LIN54: variants seen among roughly 807,000 people sequenced by gnomAD.
The protein encoded by LIN54 is protein lin-54 homolog.
In LIN54, 9 loss-of-function variants were observed where a neutral mutation model predicts 78.7. That is an observed-to-expected ratio of 0.11 (90% confidence interval 0.07 to 0.20). LIN54 has a LOEUF of 0.20. Ranked by LOEUF, LIN54 falls within the 10% of genes least tolerant of loss-of-function variation. The pLI is 1.00. For synonymous variants in LIN54, 269 were observed against 318.4 expected, an observed-to-expected ratio of 0.84 and a Z score of 1.65; for missense variants, 573 against 889.9, an observed-to-expected ratio of 0.64 and a Z score of 4.53.
Position 82,926,544 on chromosome 4 carries a change from A to G in LIN54, c.*1558T>C, listed in dbSNP as rs1219063470. 6.6e-6 allele frequency: 1 copy of G among 152,470 alleles called. No individual in the cohort carries two copies. The highest frequency in any genetic ancestry group is 2.4e-5 in the African/African-American group (1 of 41,464). 9.4% of individuals were successfully genotyped at this position (152,470 alleles called of 1,614,324 possible). On this transcript the variant is annotated 3_prime_UTR_variant, in exon 13 of 13. Coordinates refer to ENST00000340417, the MANE Select transcript of LIN54 (RefSeq NM_194282.4). ...CTTGTAGGAAATGAAATAATCATAT[A>G]CTAATTACTGATGATTAAGGTACCT...
intron 5 of LIN54, among the ~76,000 whole-genome samples, chr4:82,942,021 C>G (rs1193848262): frequency 6.6e-6 from 1 of 152,196 alleles, no homozygotes; most frequent in African/African-American, 2.4e-5. Flanking sequence ...TCAGGTTTCA[C>G]TGATGTAAAA....
At chr4:82,990,980 G>A (rs1050005522) in intron 1 of LIN54, among the ~76,000 whole-genome samples, 1 of 152,004 alleles carries the variant, frequency 6.6e-6, no homozygotes, top group Non-Finnish European at 1.5e-5. Flanking sequence ...TGCCTCACTG[G>A]TAAGAGGTAC....
rs139957119 is a variant in LIN54, at chr4:82,928,214, T to G, written c.2138A>C (p.Lys713Thr). The change falls in exon 13 of 13, where the codon AAA becomes ACA. Residue 713 changes from lysine to threonine, a missense_variant. Coordinates refer to ENST00000340417, the MANE Select transcript of LIN54 (RefSeq NM_194282.4). ...AQAEQADKKG[K>T]SKAAAERMIL... Reference sequence around the variant, plus strand: ...CATCCGTTCCGCTGCTGCCTTTGATTTTCCCTTCTTGTCTGCCTGCTCTGC... The same window carrying G: ...CATCCGTTCCGCTGCTGCCTTTGATGTTCCCTTCTTGTCTGCCTGCTCTGC... 6.2e-7 allele frequency: 1 copy of G among 1,614,270 alleles called. No homozygotes were observed. The highest frequency in any genetic ancestry group is 1.7e-5 in the Admixed American group (1 of 60,028).
In LIN54 at chr4:82,927,853, C is replaced by T; in HGVS notation, c.*249G>A. 2 of 388,058 alleles carry T rather than the reference C, an allele frequency of 5.2e-6. No homozygotes were observed. Among genetic ancestry groups the T allele is most frequent in the Non-Finnish European group, 9.1e-6 (2 of 218,722 alleles). 24.0% of individuals were successfully genotyped at this position (388,058 alleles called of 1,614,324 possible). On this transcript the variant is annotated 3_prime_UTR_variant, in exon 13 of 13. Coordinates refer to ENST00000340417, the MANE Select transcript of LIN54 (RefSeq NM_194282.4). ...AGAGAACATCTAATTCTTAAGAAAC[C>T]CAAGCAAATTAAAAAATCTATATAA...
At chr4:82,950,792 G>A (rs1026080135) in intron 4 of LIN54, among the ~76,000 whole-genome samples, 17 of 151,786 alleles carry the variant, frequency 1.1e-4, no homozygotes, top group African/African-American at 3.6e-4. Flanking sequence ...ATAATTTCTT[G>A]GATCATTAGT....
chr4:82,974,594 G>A (rs575468493), intron 3 of LIN54, among the ~76,000 whole-genome samples: 18 of 152,088 alleles, frequency 1.2e-4, no homozygotes, highest in African/African-American at 2.2e-4. Context: ...AAAATTAGCC[G>A]GGCGTGATGG....
chr4:82,945,514 G>A (rs2126043668), intron 5 of LIN54, among the ~76,000 whole-genome samples: 1 of 150,758 alleles, frequency 6.6e-6, no homozygotes, highest in African/African-American at 2.4e-5. Flanking sequence ...TTTTTTTTGA[G>A]ATGGAATCTC....
chr4:82,959,624 A>C (rs778703426), intron 4 of LIN54, among the ~76,000 whole-genome samples: 1 of 152,194 alleles, frequency 6.6e-6, no homozygotes, highest in African/African-American at 2.4e-5. Context: ...TGGAAATAAC[A>C]ATTTGTACAA....
At chr4:83,009,667 G>C (rs1729694738) in intron 1 of LIN54, among the ~76,000 whole-genome samples, 1 of 152,150 alleles carries the variant, frequency 6.6e-6, no homozygotes, top group African/African-American at 2.4e-5. Context: ...AATCACTCCA[G>C]CATTTAGTGA....
intron 1 of LIN54, among the ~76,000 whole-genome samples, chr4:82,996,318 T>C (rs1458616487): frequency 1.3e-5 from 2 of 152,070 alleles, no homozygotes; most frequent in Non-Finnish European, 2.9e-5. Flanking sequence ...GAAGCTTTAG[T>C]TCACCTCATC....
At chr4:82,932,961 G>A (rs1279023651) in intron 11 of LIN54, among the ~76,000 whole-genome samples, 1 of 152,018 alleles carries the variant, frequency 6.6e-6, no homozygotes, top group Non-Finnish European at 1.5e-5. Context: ...ATGAACCCAT[G>A]TCTATATAAA....
upstream of LIN54, chr4:83,010,847 C>T (rs1190270011): frequency 2.4e-6 from 3 of 1,224,796 alleles, no homozygotes; most frequent in East Asian, 9.6e-5. Flanking sequence ...CTCCTCCTCC[C>T]CTCCCCGCCC....
At chr4:82,933,379 C>CAA (rs111591156) in intron 11 of LIN54, among the ~76,000 whole-genome samples, 2 of 136,222 alleles carry the variant, frequency 1.5e-5, no homozygotes, top group African/African-American at 2.7e-5. Flanking sequence ...TCCCCTATAC[C>CAA]AAAAAAAAAA....
chr4:82,982,449 C>T (rs979143600), intron 2 of LIN54, among the ~76,000 whole-genome samples: 3 of 152,090 alleles, frequency 2.0e-5, no homozygotes, highest in Admixed American at 6.5e-5. Context: ...AGGCTGGTCT[C>T]GAACTCCTGG....
At chr4:83,000,824 A>ATCCTTTTT (rs1728692917) in intron 1 of LIN54, among the ~76,000 whole-genome samples, 1 of 3,222 alleles carries the variant, frequency 3.1e-4, no homozygotes, top group Admixed American at 3.9e-3. Flanking sequence ...AAAGCAATAA[A>ATCCTTTTT]TTCTTTTTTT....
intron 4 of LIN54, among the ~76,000 whole-genome samples, chr4:82,961,866 G>A (rs1322342510): frequency 1.3e-5 from 2 of 151,856 alleles, no homozygotes; most frequent in African/African-American, 4.8e-5. Context: ...TGAGGCAGGA[G>A]GATCGCTTGA....
intron 7 of LIN54, 45 bp downstream of exon 7, chr4:82,939,494 C>A: frequency 6.7e-7 from 1 of 1,484,868 alleles, no homozygotes. Flanking sequence ...ATCTTGGACC[C>A]CATTATCACT....
rs531974362 is a variant in LIN54, at chr4:82,963,931, T to G, written c.951+6396A>C. ...ATCACTTTGCTAAATTTATAATTTA[T>G]ACATTAATTCTAATAGTTCCATAGT... On this transcript the variant is annotated intron_variant, in intron 4 of 12. Coordinates refer to ENST00000340417, the MANE Select transcript of LIN54 (RefSeq NM_194282.4). Among the ~76,000 whole-genome samples the G allele has an allele frequency of 6.6e-5, 10 of 152,340 alleles. No homozygotes were observed. In the East Asian group the frequency reaches 1.9e-3, roughly 29 times the overall value.
In LIN54 at chr4:82,984,517, T is replaced by C. The variant is rs575100003; in HGVS notation, c.328A>G (p.Ile110Val). The C allele has an allele frequency of 9.9e-6, 16 of 1,614,196 alleles. No homozygotes were observed. The highest frequency in any genetic ancestry group is 2.2e-5 in the East Asian group (1 of 44,892). The change falls in exon 2 of 13, where the codon ATA (isoleucine) becomes GTA (valine). Residue 110 changes from isoleucine (I) to valine (V), a missense_variant. By Grantham distance (29) the Ile-to-Val change is conservative (BLOSUM62 3). Transcript: ENST00000340417. Reference protein sequence around the residue: ...QKLGAQTPVTISANQIILNKV... With the variant: ...QKLGAQTPVTVSANQIILNKV... ...TTTAAAATAATCTGATTGGCTGATA[T>C]AGTCACAGGAGTCTGAGCACCAAGT...
Sources: gnomAD v4.1 joint callset for allele counts (sites outside exome capture counted in the v4.1 genomes callset) on GRCh38, gnomAD v4.1.1 for gene constraint, MANE v1.5 for transcripts, NCBI Gene and HGNC (gene_info 2026-07-23, HGNC 2026-07-21) for gene names.